The following IL12RB2 variants were observed in gnomAD, a reference collection of about 807,000 sequenced individuals.
IL12RB2 encodes interleukin 12 receptor subunit beta 2.
IL12RB2 carries 82 observed loss-of-function variants against 89.4 expected under a neutral mutation model. That is an observed-to-expected ratio of 0.92 (90% CI 0.77 to 1.10). IL12RB2 has a LOEUF of 1.10. Among genes scored for constraint, IL12RB2 ranks in the 50% least tolerant of loss-of-function variants. IL12RB2 has a pLI of 0.00. For missense variants in IL12RB2, 963 were observed against 1,031.9 expected (o/e 0.93, Z 0.92); for synonymous variants, 368 against 370.1 (o/e 0.99, Z 0.07).
chr1:67,383,741 C>G, intron 14 of IL12RB2, among the ~76,000 whole-genome samples: 1 of 152,182 alleles, frequency 6.6e-6, no homozygotes, highest in African/African-American at 2.4e-5. Context: ...GCCTAGTGTT[C>G]CATTATTGGA....
rs1465751618 is a variant in IL12RB2, at chr1:67,328,314, C to A, written c.594C>A (p.Ala198=). The A allele has an allele frequency of 6.2e-7, 1 of 1,614,158 alleles. No individual in the cohort carries two copies. The stretch of plus-strand genomic sequence containing the variant: ...AATCACCTGAATCCAATTTCACAGC[C>A]AAGGTTACTGCTGTCAATAGTCTTG... The part of the protein sequence containing the change: ...TPESPESNFT[A]KVTAVNSLGS... Residue 198 remains alanine (A), a synonymous_variant, in exon 6 of 17, where the codon GCC becomes GCA. Coordinates refer to ENST00000674203, the MANE Select transcript of IL12RB2 (RefSeq NM_001374259.2).
intron 5 of IL12RB2, 135 bp downstream of exon 5, chr1:67,326,984 C>T (rs967262374): frequency 9.3e-5 from 44 of 473,494 alleles, no homozygotes; most frequent in African/African-American, 4.8e-4. Context: ...TATTTTGAGA[C>T]GGAATCTCAC....
intron 1 of IL12RB2, among the ~76,000 whole-genome samples, chr1:67,308,266 C>T (rs1654543257): frequency 6.6e-6 from 1 of 151,952 alleles, no homozygotes; most frequent in Admixed American, 6.6e-5. Flanking sequence ...CCAAGGTACT[C>T]TCTGGGCCGG....
chr1:67,343,299 C>T lies in IL12RB2; in HGVS notation c.1038+4596C>T, dbSNP rs146010000. On this transcript the variant is annotated intron_variant, in intron 9 of 16. Transcript: ENST00000674203. ...GTTTCACCATGTTGCCCAGGCTGGT[C>T]ACAGACTCCTGGGTTCAAGTGATCT... Among the ~76,000 whole-genome samples, 946 of 152,306 alleles carry T rather than the reference C, an allele frequency of 6.2e-3. 6 individuals are homozygous for T. The highest frequency in any genetic ancestry group is 0.021 in the African/African-American group (878 of 41,568).
chr1:67,383,325 T>C (rs1465463842), intron 14 of IL12RB2, among the ~76,000 whole-genome samples: 1 of 152,176 alleles, frequency 6.6e-6, no homozygotes, highest in Non-Finnish European at 1.5e-5. Flanking sequence ...GTGGGGATCA[T>C]GGGAACTACA....
chr1:67,368,183 C>T (rs1177937715), intron 11 of IL12RB2, among the ~76,000 whole-genome samples, 158 bp downstream of exon 11: 1 of 152,204 alleles, frequency 6.6e-6, no homozygotes, highest in Non-Finnish European at 1.5e-5. Flanking sequence ...TTAGACTACT[C>T]CACTGCAGAC....
intron 8 of IL12RB2, among the ~76,000 whole-genome samples, chr1:67,337,290 A>G (rs1658895536): frequency 6.6e-6 from 1 of 152,174 alleles, no homozygotes. Context: ...CTCCCCTCAA[A>G]TACACTCTAA....
intron 9 of IL12RB2, among the ~76,000 whole-genome samples, chr1:67,340,056 G>A (rs1659348105): frequency 6.6e-6 from 1 of 152,154 alleles, no homozygotes; most frequent in Admixed American, 6.5e-5. Flanking sequence ...CAATTATAAA[G>A]TCCTCTGATG....
At chr1:67,366,908 C>T (rs1263626606) in intron 10 of IL12RB2, among the ~76,000 whole-genome samples, 1 of 152,030 alleles carries the variant, frequency 6.6e-6, no homozygotes, top group African/African-American at 2.4e-5. Flanking sequence ...GTCCCAGAAA[C>T]ATGTTGAGTG....
chr1:67,308,109 G>GTA (rs1211728624), intron 1 of IL12RB2, 142 bp downstream of exon 1: 12 of 144,972 alleles, frequency 8.3e-5, no homozygotes, highest in East Asian at 2.0e-4. Context: ...ATATATATAT[G>GTA]TATATATATA....
intron 9 of IL12RB2, among the ~76,000 whole-genome samples, chr1:67,340,853 A>G (rs1659446074): frequency 1.3e-5 from 2 of 152,194 alleles, no homozygotes; most frequent in Admixed American, 1.3e-4. Flanking sequence ...CTTAGGTTCT[A>G]TAATGAGGTC....
intron 1 of IL12RB2, among the ~76,000 whole-genome samples, chr1:67,308,866 G>A (rs138649794): frequency 0.014 from 2,193 of 151,956 alleles, 59 homozygotes; most frequent in African/African-American, 0.05. Context: ...TTAAAAATAC[G>A]AAAATTAGCT....
chr1:67,388,256 A>G (rs1665437606), intron 15 of IL12RB2, among the ~76,000 whole-genome samples: 1 of 152,214 alleles, frequency 6.6e-6, no homozygotes, highest in African/African-American at 2.4e-5. Flanking sequence ...TTGTCGTCCT[A>G]GTAAATCTGG....
At chr1:67,327,149 C>T (rs566682097) in intron 5 of IL12RB2, among the ~76,000 whole-genome samples, 46 of 151,708 alleles carry the variant, frequency 3.0e-4, no homozygotes, top group Non-Finnish European at 6.2e-4. Context: ...TTAGCAGAGA[C>T]GGGGTTTCAC....
At chr1:67,390,455 CTTTT>C (rs67532605) in intron 16 of IL12RB2, among the ~76,000 whole-genome samples, 6 of 107,520 alleles carry the variant, frequency 5.6e-5, no homozygotes, top group Admixed American at 1.1e-4. Flanking sequence ...GCAAACTTTC[CTTTT>C]TTTTTTTTTT....
intron 14 of IL12RB2, among the ~76,000 whole-genome samples, chr1:67,381,765 CAAAA>C (rs61066016): frequency 1.6e-5 from 2 of 123,674 alleles, no homozygotes; most frequent in Admixed American, 8.2e-5. Context: ...GACTATGTTT[CAAAA>C]AAAAAAAAAA....
chr1:67,333,412 ACT>A (rs1220196574), intron 8 of IL12RB2, among the ~76,000 whole-genome samples: 1 of 134,160 alleles, frequency 7.5e-6, no homozygotes, highest in Non-Finnish European at 1.6e-5. Context: ...TTTTTTAGGT[ACT>A]CTCTAAAACT....
At chr1:67,342,543 C>T (rs1234788748) in intron 9 of IL12RB2, among the ~76,000 whole-genome samples, 4 of 151,026 alleles carry the variant, frequency 2.6e-5, no homozygotes, top group African/African-American at 4.9e-5. Context: ...GTGTGGAAGG[C>T]GTGGGAGTGT....
intron 10 of IL12RB2, among the ~76,000 whole-genome samples, chr1:67,352,691 A>G (rs1660979602): frequency 6.6e-6 from 1 of 152,230 alleles, no homozygotes; most frequent in African/African-American, 2.4e-5. Flanking sequence ...AACTTTTTCA[A>G]ATATATGAAA....
Sources: gnomAD v4.1 joint callset for allele counts (sites outside exome capture counted in the v4.1 genomes callset) on GRCh38, gnomAD v4.1.1 for gene constraint, MANE v1.5 for transcripts, NCBI Gene and HGNC (gene_info 2026-07-23, HGNC 2026-07-21) for gene names.